FAM234B: variants seen among roughly 807,000 people sequenced by gnomAD.
FAM234B encodes protein FAM234B.
A neutral mutation model predicts 69.3 loss-of-function variants in FAM234B; 33 were observed. The ratio of observed to expected loss-of-function variants is 0.48; its 90% CI spans 0.36 to 0.64. The LOEUF is 0.64. Ranked by LOEUF, FAM234B falls within the 30% of genes least tolerant of loss-of-function variation. The pLI, the probability that FAM234B is intolerant of heterozygous loss-of-function variation, is 0.00. For missense variants in FAM234B, 697 were observed against 769.7 expected, an observed-to-expected ratio of 0.91 and a Z score of 1.12; for synonymous variants, 306 against 306.9, an observed-to-expected ratio of 1.00 and a Z score of 0.03.
At chr12:13,068,800 A>G (rs1865070137) in intron 9 of FAM234B, 89 bp downstream of exon 9, 3 of 812,182 alleles carry the variant, frequency 3.7e-6, no homozygotes, top group Non-Finnish European at 6.0e-6. Flanking sequence ...GGGAATAAAA[A>G]GAACCTAAAA....
intron 1 of FAM234B, among the ~76,000 whole-genome samples, chr12:13,047,758 C>T (rs766601476): frequency 3.9e-5 from 6 of 152,134 alleles, no homozygotes; most frequent in Admixed American, 6.5e-5. Flanking sequence ...AGCAAGGAAG[C>T]GAGTGAGTGC....
At chr12:13,070,172 GATATATATAT>G (rs66463903) in intron 9 of FAM234B, among the ~76,000 whole-genome samples, 56,951 of 139,446 alleles carry the variant, frequency 0.41, 12,727 homozygotes, top group Non-Finnish European at 0.5. Context: ...ATTAAAAAAA[GATATATATAT>G]ATATATATAT....
chr12:13,046,378 C>T (rs900439274), intron 1 of FAM234B, among the ~76,000 whole-genome samples: 2 of 152,142 alleles, frequency 1.3e-5, no homozygotes, highest in Non-Finnish European at 2.9e-5. Flanking sequence ...AATTGGGGTC[C>T]TGAGACTGCT....
chr12:13,065,551 G>T (rs577685722), intron 5 of FAM234B, among the ~76,000 whole-genome samples: 9 of 152,236 alleles, frequency 5.9e-5, no homozygotes, highest in African/African-American at 2.2e-4. Context: ...ATCAGCTAAA[G>T]TACCTATATC....
At chr12:13,052,455 G>GT (rs1244178240) in intron 1 of FAM234B, among the ~76,000 whole-genome samples, 1 of 151,880 alleles carries the variant, frequency 6.6e-6, no homozygotes. Flanking sequence ...ATTTTAAATT[G>GT]TCAAAAAATA....
At chr12:13,075,069 TCATA>T (rs1396835752) in intron 10 of FAM234B, among the ~76,000 whole-genome samples, 1 of 152,142 alleles carries the variant, frequency 6.6e-6, no homozygotes, top group Non-Finnish European at 1.5e-5. Flanking sequence ...CACATAGAAG[TCATA>T]CTGATAAAGA....
At chr12:13,077,873 T>C (rs1425253271) in intron 11 of FAM234B, among the ~76,000 whole-genome samples, 1 of 152,202 alleles carries the variant, frequency 6.6e-6, no homozygotes, top group Non-Finnish European at 1.5e-5. Flanking sequence ...GTTGAACTAG[T>C]TTACAGTCCC....
chr12:13,075,224 T>C lies in FAM234B; in HGVS notation c.1525-802T>C, dbSNP rs568328128. Among the ~76,000 whole-genome samples the C allele has an allele frequency of 2.6e-5, 4 of 152,292 alleles. No homozygotes were observed. The South Asian group carries it at 8.3e-4, about 32-fold the overall frequency. On this transcript the variant is annotated intron_variant, in intron 10 of 12. Transcript: ENST00000197268. The stretch of plus-strand genomic sequence containing the variant: ...TCAGGAACAGATAAGATTTTTGTAA[T>C]TTTTAGCCTGATGCTTGCAGTTGGC...
chr12:13,079,638 G>T (rs1865202150), intron 11 of FAM234B, 151 bp from the exon 12 acceptor site: 2 of 576,366 alleles, frequency 3.5e-6, no homozygotes, highest in Admixed American at 3.3e-5. Context: ...TTGCACCCGT[G>T]GGCTAGCTCA....
At chr12:13,058,923 T>C (rs1864958693) in intron 3 of FAM234B, among the ~76,000 whole-genome samples, 1 of 152,224 alleles carries the variant, frequency 6.6e-6, no homozygotes, top group African/African-American at 2.4e-5. Flanking sequence ...TATGCTACCC[T>C]CCTATCCCTG....
rs375243163 is a variant in FAM234B, at chr12:13,061,668, T to C, written c.626T>C (p.Ile209Thr). The change falls in exon 4 of 13, where the codon ATC becomes ACC. Residue 209 changes from isoleucine (I) to threonine (T), a missense_variant. Physicochemically the swap from Ile to Thr is moderately conservative, Grantham distance 89. Transcript: ENST00000197268. ...CTTCTCCCTGAGGAGGCTCGAGATA[T>C]CACATGTTTGGAGCTGATGCCAGGA... The part of the protein sequence containing the change: ...SSLLPEEARD[I>T]TCLELMPGSL... The C allele has an allele frequency of 3.0e-5, 48 of 1,614,016 alleles. No individual in the cohort carries two copies. In the Middle Eastern group the frequency reaches 1.3e-3, roughly 44 times the overall value.
At chr12:13,075,433 C>CTTTTTTTTTT (rs59012504) in intron 10 of FAM234B, among the ~76,000 whole-genome samples, 33 of 137,500 alleles carry the variant, frequency 2.4e-4, no homozygotes, top group Non-Finnish European at 3.1e-4. Context: ...CTTTTCTTTT[C>CTTTTTTTTTT]TTTTTTTTTT....
intron 3 of FAM234B, 94 bp downstream of exon 3, chr12:13,058,643 A>ATCCTTC: frequency 9.9e-7 from 1 of 1,010,636 alleles, no homozygotes; most frequent in Non-Finnish European, 1.6e-6. Flanking sequence ...GCAGAGAAGG[A>ATCCTTC]TCTGCAGTGA....
intron 4 of FAM234B, 94 bp from the exon 5 acceptor site, chr12:13,062,751 C>G (rs2200498): frequency 3.6e-6 from 5 of 1,398,980 alleles, no homozygotes; most frequent in East Asian, 4.6e-5. Flanking sequence ...TGTTCAGCCC[C>G]TTGCGTCTTT....
In FAM234B at chr12:13,079,945, A is replaced by C; in HGVS notation, c.1799A>C (p.Lys600Thr). 1 of 1,613,592 alleles carries C rather than the reference A, an allele frequency of 6.2e-7. No homozygotes were observed. Among genetic ancestry groups the C allele is most frequent in the East Asian group, 2.2e-5 (1 of 44,868 alleles). ...QMAQLQESTPKIGRGELRRFL... is the reference protein window; with the variant it reads ...QMAQLQESTPTIGRGELRRFL... ...GCTCAGCTACAGGAGTCCACCCCCA[A>C]AATTGGCCGTGGGGAGCTGCGAAGA... is the stretch of plus-strand genomic sequence containing the variant. Residue 600 changes from lysine (K) to threonine (T), a missense_variant, in exon 12 of 13, where the codon AAA becomes ACA. Lys to Thr is a moderately conservative substitution (Grantham distance 78). Transcript: ENST00000197268.
intron 10 of FAM234B, among the ~76,000 whole-genome samples, chr12:13,074,483 TAGAC>T (rs1463884985): frequency 2.6e-5 from 4 of 152,064 alleles, no homozygotes; most frequent in South Asian, 4.1e-4. Flanking sequence ...AGAGGATAGT[TAGAC>T]AGTCTAAGAG....
At chr12:13,064,990 C>T (rs1198939394) in intron 5 of FAM234B, among the ~76,000 whole-genome samples, 1 of 152,148 alleles carries the variant, frequency 6.6e-6, no homozygotes, top group Non-Finnish European at 1.5e-5. Context: ...TTAACTTTCT[C>T]ACACCATGCT....
At chr12:13,075,433 C>CTTTTTTTTTTTTTTTTTTTTTTTTT (rs59012504) in intron 10 of FAM234B, among the ~76,000 whole-genome samples, 1 of 137,504 alleles carries the variant, frequency 7.3e-6, no homozygotes, top group Non-Finnish European at 1.6e-5. Flanking sequence ...CTTTTCTTTT[C>CTTTTTTTTTTTTTTTTTTTTTTTTT]TTTTTTTTTT....
intron 10 of FAM234B, among the ~76,000 whole-genome samples, chr12:13,072,015 C>A (rs1865111886): frequency 6.6e-6 from 1 of 152,134 alleles, no homozygotes; most frequent in Non-Finnish European, 1.5e-5. Flanking sequence ...TTTAGTAAGA[C>A]CCGCCCTGCC....
Sources: gnomAD v4.1 joint callset for allele counts (sites outside exome capture counted in the v4.1 genomes callset) on GRCh38, gnomAD v4.1.1 for gene constraint, MANE v1.5 for transcripts, NCBI Gene and HGNC (gene_info 2026-07-23, HGNC 2026-07-21) for gene names.